The following CMC1 variants were observed in gnomAD, a reference collection of about 807,000 sequenced individuals.
CMC1 encodes the protein COX assembly mitochondrial protein homolog.
In CMC1, 14 loss-of-function variants were observed where a neutral mutation model predicts 14.1. The ratio of observed to expected loss-of-function variants is 0.99; its 90% CI spans 0.66 to 1.55. The LOEUF is 1.55. Among genes scored for constraint, CMC1 ranks in the 40% most tolerant of loss-of-function variants. The pLI, the probability that CMC1 is intolerant of heterozygous loss-of-function variation, is 0.00. For synonymous variants in CMC1, 50 were observed against 38.4 expected, an observed-to-expected ratio of 1.30 and a Z score of -1.12; for missense variants, 127 against 123.8, an observed-to-expected ratio of 1.03 and a Z score of -0.12.
Position 28,324,303 on chromosome 3 carries a change from A to T in CMC1, c.*4674A>T. 6.2e-7 allele frequency: 1 copy of T among 1,607,358 alleles called. No homozygotes were observed. The highest frequency in any genetic ancestry group is 2.2e-5 in the East Asian group (1 of 44,742). The stretch of plus-strand genomic sequence containing the variant: ...TTGCTTTCTCTGATAAAACCTTTAC[A>T]TCTCCTGGTAAAGGGGAAGATGTGG... On this transcript the variant is annotated 3_prime_UTR_variant, in exon 4 of 4. Transcript: ENST00000466830.
intron 2 of CMC1, among the ~76,000 whole-genome samples, chr3:28,304,869 T>G (rs1702230008): frequency 6.6e-6 from 1 of 152,224 alleles, no homozygotes; most frequent in Admixed American, 6.5e-5. Context: ...GAACATAATC[T>G]ATTTTAAAGA....
intron 2 of CMC1, chr3:28,292,662 A>C (rs1185118698): frequency 1.3e-5 from 2 of 152,186 alleles, no homozygotes; most frequent in African/African-American, 4.8e-5. Flanking sequence ...AGATGTGGTT[A>C]GTATATAATA....
intron 1 of CMC1, among the ~76,000 whole-genome samples, chr3:28,251,914 A>G (rs1009228031): frequency 2.0e-5 from 3 of 152,250 alleles, no homozygotes; most frequent in African/African-American, 7.2e-5. Flanking sequence ...CTCCTGTCCC[A>G]TAACACTGCT....
chr3:28,302,952 A>G (rs1398570359), intron 2 of CMC1, among the ~76,000 whole-genome samples: 1 of 152,206 alleles, frequency 6.6e-6, no homozygotes. Flanking sequence ...GTGAGATCCA[A>G]TAGTAATTAC....
At chr3:28,290,668 A>C (rs1273798530) in intron 2 of CMC1, among the ~76,000 whole-genome samples, 2 of 152,010 alleles carry the variant, frequency 1.3e-5, no homozygotes, top group African/African-American at 4.8e-5. Flanking sequence ...TTAATCAGAA[A>C]ACTTTTCTTA....
intron 2 of CMC1, among the ~76,000 whole-genome samples, chr3:28,273,634 G>A (rs951946068): frequency 1.3e-5 from 2 of 152,044 alleles, no homozygotes; most frequent in Non-Finnish European, 2.9e-5. Flanking sequence ...TCCAGAGCTG[G>A]GTTCAAGTCC....
chr3:28,322,990 CTTT>C lies in CMC1; in HGVS notation c.*3362_*3364del, dbSNP rs539047510. On this transcript the variant is annotated 3_prime_UTR_variant, in exon 4 of 4. Transcript: ENST00000466830. Reference sequence around the variant, plus strand: ...CATGTGAAGCCATCTTTATTTCCTTCTTTATTTCCAAATAATTGGCCACTTAGA... The same window carrying C: ...CATGTGAAGCCATCTTTATTTCCTTCATTTCCAAATAATTGGCCACTTAGA... The C allele has an allele frequency of 1.1e-4, 16 of 150,006 alleles. No homozygotes were observed. Among genetic ancestry groups the C allele is most frequent in the East Asian group, 9.8e-4 (5 of 5,120 alleles). The allele number at this position is 150,006 out of a possible 1,614,324, so 9.3% of individuals were successfully genotyped here.
chr3:28,253,726 T>C, intron 1 of CMC1: 1 of 1,282,874 alleles, frequency 7.8e-7, no homozygotes, highest in South Asian at 1.2e-5. Context: ...ATGTTTTTCC[T>C]ACAGAGTAAA....
intron 2 of CMC1, among the ~76,000 whole-genome samples, chr3:28,283,862 T>C (rs569180057): frequency 6.6e-6 from 1 of 152,302 alleles, no homozygotes; most frequent in South Asian, 2.1e-4. Flanking sequence ...AAGTCAAAGC[T>C]ATATTTGGAA....
chr3:28,271,130 T>C (rs987563746), intron 2 of CMC1, among the ~76,000 whole-genome samples: 1 of 151,932 alleles, frequency 6.6e-6, no homozygotes, highest in Non-Finnish European at 1.5e-5. Context: ...AGATGGAGTC[T>C]CACTCTGTTG....
At chr3:28,246,269 T>G (rs139183966) in intron 1 of CMC1, among the ~76,000 whole-genome samples, 10 of 152,284 alleles carry the variant, frequency 6.6e-5, no homozygotes, top group Admixed American at 1.3e-4. Context: ...TATTTTTGTC[T>G]CATCGGATTA....
At chr3:28,283,015 C>T (rs902914566) in intron 2 of CMC1, among the ~76,000 whole-genome samples, 1 of 152,138 alleles carries the variant, frequency 6.6e-6, no homozygotes, top group Admixed American at 6.5e-5. Context: ...CTGAACTTTG[C>T]CATGTATTTG....
In CMC1 at chr3:28,255,705, A is replaced by G. The variant is rs1320675273; in HGVS notation, c.20-7586A>G. On this transcript the variant is annotated intron_variant, in intron 1 of 3. Transcript: ENST00000466830. Reference sequence around the variant, plus strand: ...TTTGAAACGTTGTTAAAAAAAATGTATATATATACATGTACATACACACAC... The same window carrying G: ...TTTGAAACGTTGTTAAAAAAAATGTGTATATATACATGTACATACACACAC... Among the ~76,000 whole-genome samples, 3 of 144,074 alleles carry G rather than the reference A, an allele frequency of 2.1e-5. No individual in the cohort carries two copies. The South Asian group carries it at 6.8e-4, about 33-fold the overall frequency. 94.5% of individuals were successfully genotyped at this position (144,074 alleles called of 152,430 possible).
intron 1 of CMC1, chr3:28,262,995 G>A: frequency 3.8e-6 from 1 of 262,208 alleles, no homozygotes. Context: ...GAATGATTTA[G>A]ATGCCAACTT....
intron 1 of CMC1, among the ~76,000 whole-genome samples, chr3:28,259,705 A>G (rs1192149610): frequency 7.2e-5 from 11 of 152,130 alleles, no homozygotes; most frequent in Admixed American, 5.9e-4. Context: ...AAAATGCTAT[A>G]TAGTCTTGAG....
intron 2 of CMC1, among the ~76,000 whole-genome samples, chr3:28,271,446 T>A (rs1443957008): frequency 1.3e-5 from 2 of 152,216 alleles, no homozygotes; most frequent in Non-Finnish European, 2.9e-5. Context: ...CAGCACCATT[T>A]ATTAAATAGG....
In CMC1 at chr3:28,273,525, G is replaced by A. The variant is rs530612994; in HGVS notation, c.109+10145G>A. On this transcript the variant is annotated intron_variant, in intron 2 of 3. Transcript: ENST00000466830. ...AAGGAGTGTTTTACTTCCCAATTAC[G>A]TGGTAGATTTTAGAGTAAGTGCATT... Among the ~76,000 whole-genome samples the A allele has an allele frequency of 3.3e-5, 5 of 152,258 alleles. 1 individual carries two copies. Among genetic ancestry groups the A allele is most frequent in the Middle Eastern group, 3.4e-3 (1 of 294 alleles).
chr3:28,259,456 A>G (rs1188826550), intron 1 of CMC1, among the ~76,000 whole-genome samples: 2 of 152,196 alleles, frequency 1.3e-5, no homozygotes, highest in African/African-American at 4.8e-5. Context: ...AAAATTAAAA[A>G]AGGTTGGGAC....
At chr3:28,288,339 A>C (rs896861468) in intron 2 of CMC1, among the ~76,000 whole-genome samples, 2 of 152,056 alleles carry the variant, frequency 1.3e-5, no homozygotes, top group Non-Finnish European at 2.9e-5. Context: ...TAATTTAATA[A>C]AATTATATAT....
Sources: gnomAD v4.1 joint callset for allele counts (sites outside exome capture counted in the v4.1 genomes callset) on GRCh38, gnomAD v4.1.1 for gene constraint, MANE v1.5 for transcripts, NCBI Gene and HGNC (gene_info 2026-07-23, HGNC 2026-07-21) for gene names.